ADAMTS17: variants seen among roughly 807,000 people sequenced by gnomAD.
The protein encoded by ADAMTS17 is ADAM metallopeptidase with thrombospondin type 1 motif 17.
In ADAMTS17, 113 loss-of-function variants were observed where a neutral mutation model predicts 141.5. The observed-to-expected ratio is 0.80, with a 90% CI of 0.69 to 0.93. The LOEUF is 0.93. ADAMTS17 is among the 40% of genes least tolerant of loss of function. The pLI is 0.00. For missense variants in ADAMTS17, 1,659 were observed against 1,517.9 expected, an observed-to-expected ratio of 1.09 and a Z score of -1.54; for synonymous variants, 768 against 630.6, an observed-to-expected ratio of 1.22 and a Z score of -3.27.
chr15:100,011,122 C>T (rs181505406), intron 18 of ADAMTS17, among the ~76,000 whole-genome samples: 180 of 151,186 alleles, frequency 1.2e-3, no homozygotes, highest in African/African-American at 4.3e-3. Flanking sequence ...GTATAAAAAA[C>T]ACTGATTTTG....
At chr15:100,110,744 C>T (rs2036724303) in intron 13 of ADAMTS17, among the ~76,000 whole-genome samples, 1 of 152,168 alleles carries the variant, frequency 6.6e-6, no homozygotes, top group South Asian at 2.1e-4. Flanking sequence ...TGCTCTTTGT[C>T]TTCTCCACCA....
At chr15:100,193,623 C>T (rs887641157) in intron 8 of ADAMTS17, among the ~76,000 whole-genome samples, 3 of 152,178 alleles carry the variant, frequency 2.0e-5, no homozygotes, top group African/African-American at 4.8e-5. Context: ...CGAGAGTGAG[C>T]GCATCGGTCA....
At chr15:100,201,436 G>C (rs1373913361) in intron 7 of ADAMTS17, among the ~76,000 whole-genome samples, 1 of 152,176 alleles carries the variant, frequency 6.6e-6, no homozygotes, top group Non-Finnish European at 1.5e-5. Flanking sequence ...GCAGAACTGA[G>C]AGTCAATTAA....
chr15:99,987,774 A>G (rs1257354500), intron 20 of ADAMTS17, among the ~76,000 whole-genome samples: 1 of 152,192 alleles, frequency 6.6e-6, no homozygotes, highest in Non-Finnish European at 1.5e-5. Flanking sequence ...AGAGAGGGAA[A>G]ACGGGCAAGT....
At position 100,058,286 on chromosome 15, in the gene ADAMTS17, C is replaced by A. The variant is rs1477497933; in HGVS notation, c.2138-4232G>T. On this transcript the variant is annotated intron_variant, in intron 15 of 21. Transcript: ENST00000268070. ...CTGACACCCCTATCCCGGCTCTAACCCTCCTATCCCGGCTCTAACACCCCT... is the reference window on the plus strand; with the variant it reads ...CTGACACCCCTATCCCGGCTCTAACACTCCTATCCCGGCTCTAACACCCCT... Among the ~76,000 whole-genome samples, 275 of 56,960 alleles carry A rather than the reference C, an allele frequency of 4.8e-3. 3 individuals are homozygous for A. Among genetic ancestry groups the A allele is most frequent in the African/African-American group, 0.012 (181 of 15,206 alleles). The allele number at this position is 56,960 out of a possible 152,430, so 37.4% of individuals were successfully genotyped here.
At chr15:100,340,274 CCT>C (rs1459379635) in intron 2 of ADAMTS17, among the ~76,000 whole-genome samples, 4 of 152,192 alleles carry the variant, frequency 2.6e-5, no homozygotes, top group Non-Finnish European at 5.9e-5. Context: ...CCCCCCTCCC[CCT>C]GGGAGCACCT....
At chr15:100,210,649 TAATC>T (rs2041770079) in intron 7 of ADAMTS17, among the ~76,000 whole-genome samples, 1 of 152,220 alleles carries the variant, frequency 6.6e-6, no homozygotes, top group South Asian at 2.1e-4. Flanking sequence ...ATGAAAATTC[TAATC>T]AGTCACCAAC....
chr15:100,230,198 A>G lies in ADAMTS17; in HGVS notation c.1075+23938T>C, dbSNP rs73478080. ...CCGCAGTTTGGGCTTGCAGAAGAGC[A>G]CAAACACGTCACGAATGACACCCGC... is the stretch of plus-strand genomic sequence containing the variant. On this transcript the variant is annotated intron_variant, in intron 7 of 21. Transcript: ENST00000268070. 1.9e-3 allele frequency among the ~76,000 whole-genome samples: 283 copies of G among 152,366 alleles called. 3 individuals carry two copies. The highest frequency in any genetic ancestry group is 6.4e-3 in the African/African-American group (266 of 41,582).
chr15:100,255,060 T>TGGGTGGTA (rs2043279491), intron 6 of ADAMTS17, among the ~76,000 whole-genome samples: 1 of 151,240 alleles, frequency 6.6e-6, no homozygotes, highest in Admixed American at 6.6e-5. Flanking sequence ...ATCCCCTGGG[T>TGGGTGGTA]GGGTGGTATC....
chr15:100,309,317 C>T (rs964402481), intron 3 of ADAMTS17, among the ~76,000 whole-genome samples: 2 of 152,196 alleles, frequency 1.3e-5, no homozygotes, highest in African/African-American at 4.8e-5. Flanking sequence ...TGTGATTGTG[C>T]CACTGCACTC....
At chr15:100,090,470 CT>C (rs1311454926) in intron 15 of ADAMTS17, among the ~76,000 whole-genome samples, 6 of 152,300 alleles carry the variant, frequency 3.9e-5, no homozygotes, top group African/African-American at 1.4e-4. Flanking sequence ...AGCAAGGTCC[CT>C]GTGCAGCTGA....
intron 4 of ADAMTS17, among the ~76,000 whole-genome samples, chr15:100,279,586 T>C (rs1173671037): frequency 1.3e-5 from 2 of 152,228 alleles, no homozygotes; most frequent in African/African-American, 2.4e-5. Flanking sequence ...GGCCAGGCAC[T>C]GTGCACTCAC....
rs924128280 is a variant in ADAMTS17, at chr15:99,997,234, G to C, written c.2796+151C>G. The C allele has an allele frequency of 2.4e-6, 2 of 850,154 alleles. No homozygotes were observed. Among genetic ancestry groups the C allele is most frequent in the Admixed American group, 1.9e-5 (1 of 52,742 alleles). 52.7% of individuals were successfully genotyped at this position (850,154 alleles called of 1,614,324 possible). ...TGTTTCCGCAGCCAGGCTGTTATCT[G>C]AGATGGAAATTAAGAACACATGAGC... On this transcript the variant is annotated intron_variant, in intron 19 of 21. Coordinates refer to ENST00000268070, the MANE Select transcript of ADAMTS17 (RefSeq NM_139057.4). The surrounding 1 kb of genome is among the most constrained non-coding windows in gnomAD (Gnocchi z 4.7).
intron 15 of ADAMTS17, among the ~76,000 whole-genome samples, chr15:100,071,400 G>A (rs2033960462): frequency 6.7e-6 from 1 of 149,904 alleles, no homozygotes; most frequent in African/African-American, 2.5e-5. Context: ...TATGAGGCCA[G>A]CATCATCCTG....
intron 15 of ADAMTS17, among the ~76,000 whole-genome samples, chr15:100,066,824 A>T (rs4371132): frequency 4.9e-5 from 3 of 60,658 alleles, no homozygotes; most frequent in Non-Finnish European, 3.4e-5. Flanking sequence ...GGCAGCCATC[A>T]TTCTAAGTGT....
At chr15:100,325,703 G>A (rs765698265) in intron 3 of ADAMTS17, among the ~76,000 whole-genome samples, 1 of 152,124 alleles carries the variant, frequency 6.6e-6, no homozygotes. Flanking sequence ...CTCTCCCCAT[G>A]TGACACGCTG....
At chr15:100,049,081 TGC>T in intron 17 of ADAMTS17, 89 bp from the exon 18 acceptor site, 1 of 1,593,358 alleles carries the variant, frequency 6.3e-7, no homozygotes, top group Non-Finnish European at 8.6e-7. Context: ...CATGTTTGGG[TGC>T]TGCTGATGGT....
chr15:100,340,702 G>T (rs564731045), intron 2 of ADAMTS17, among the ~76,000 whole-genome samples: 2 of 152,282 alleles, frequency 1.3e-5, no homozygotes, highest in East Asian at 3.9e-4. Flanking sequence ...CTACATTGGG[G>T]CCAAGGCGCC....
At position 100,152,599 on chromosome 15, in the gene ADAMTS17, C is replaced by G. The variant is rs746308480; in HGVS notation, c.1473+13G>C. 1 of 1,613,214 alleles carries G rather than the reference C, an allele frequency of 6.2e-7. No homozygotes were observed. The highest frequency in any genetic ancestry group is 8.5e-7 in the Non-Finnish European group (1 of 1,180,006). On this transcript the variant is annotated intron_variant, in intron 10 of 21. Coordinates refer to ENST00000268070, the MANE Select transcript of ADAMTS17 (RefSeq NM_139057.4). The stretch of plus-strand genomic sequence containing the variant: ...ATGCTCTGTCCCGAGCCAGCCCTCC[C>G]ACGGCTGCTTACCTCCATGTTTCTG...
Sources: gnomAD v4.1 joint callset for allele counts (sites outside exome capture counted in the v4.1 genomes callset) on GRCh38, gnomAD v4.1.1 for gene constraint, Gnocchi (gnomAD v3.1) non-coding constraint, MANE v1.5 for transcripts, NCBI Gene and HGNC (gene_info 2026-07-23, HGNC 2026-07-21) for gene names.